Variants in ERCC3 observed in about 807,000 individuals in gnomAD.
ERCC3 encodes the protein general transcription and DNA repair factor IIH helicase/translocase subunit XPB.
ERCC3 carries 66 observed loss-of-function variants against 94.2 expected under a neutral mutation model. The observed-to-expected ratio is 0.70, with a 90% CI of 0.57 to 0.86. The LOEUF is 0.86. ERCC3 is among the 40% of genes least tolerant of loss of function. The pLI is 0.00. For synonymous variants in ERCC3, 349 were observed against 369.1 expected, an observed-to-expected ratio of 0.95 and a Z score of 0.63; for missense variants, 829 against 987.1, an observed-to-expected ratio of 0.84 and a Z score of 2.15.
rs72845952 is a variant in ERCC3 at position 127,288,913 on chromosome 2, A to G, written c.823-49T>C. ...TTTTAAAATCTTGTTACTGTGCTCA[A>G]AAACATTACATCTTCTAAGAGGTCC... On this transcript the variant is annotated intron_variant, in intron 6 of 14. Coordinates refer to ENST00000285398, the MANE Select transcript of ERCC3 (RefSeq NM_000122.2). 12,028 of 1,387,714 alleles carry G rather than the reference A, an allele frequency of 8.7e-3. 85 individuals are homozygous for G. The highest frequency in any genetic ancestry group is 0.011 in the Non-Finnish European group (10,713 of 975,082). The allele number at this position is 1,387,714 out of a possible 1,614,324, so 86.0% of individuals were successfully genotyped here.
chr2:127,275,335 GATC>G (rs1269636454), intron 10 of ERCC3, among the ~76,000 whole-genome samples: 9 of 152,062 alleles, frequency 5.9e-5, no homozygotes, highest in African/African-American at 1.4e-4. Flanking sequence ...TGGCCCGCAG[GATC>G]ATTTTAGAAG....
rs1684665800 is a variant in ERCC3, at chr2:127,274,333, AAAAG to A, written c.1731-1376_1731-1373del. 1.3e-5 allele frequency among the ~76,000 whole-genome samples: 2 copies of A among 152,122 alleles called. No individual in the cohort carries two copies. The highest frequency in any genetic ancestry group is 2.4e-5 in the African/African-American group (1 of 41,528). ...CCGTCTCAGAAAAAAAAAAAAAAGAAAAAGAAAAGAAAAAAATCCAGCCAGCCCT... is the reference window on the plus strand; with the variant it reads ...CCGTCTCAGAAAAAAAAAAAAAAGAAAAAAGAAAAAAATCCAGCCAGCCCT... On this transcript the variant is annotated intron_variant, in intron 10 of 14. Coordinates refer to ENST00000285398, the MANE Select transcript of ERCC3 (RefSeq NM_000122.2). The surrounding 1 kb of genome is among the most constrained non-coding windows in gnomAD (Gnocchi z 4.0).
In ERCC3 at chr2:127,279,140, G is replaced by C. The variant is rs2104759571; in HGVS notation, c.1730+33C>G. On this transcript the variant is annotated intron_variant, in intron 10 of 14. Coordinates refer to ENST00000285398, the MANE Select transcript of ERCC3 (RefSeq NM_000122.2). The surrounding 1 kb of genome is among the most constrained non-coding windows in gnomAD (Gnocchi z 4.7). ...CACTCTCAATGGGGAAGAGAAACTG[G>C]CCTGGAGGAAGCTCCAAGTTTTCAA... The C allele has an allele frequency of 6.9e-7, 1 of 1,459,576 alleles. No homozygotes were observed. The highest frequency in any genetic ancestry group is 1.1e-5 in the South Asian group (1 of 87,766). 90.4% of individuals were successfully genotyped at this position (1,459,576 alleles called of 1,614,324 possible). A position where few individuals can be genotyped will look rare whatever the true frequency, so the allele number is the denominator to read the frequency against.
intron 7 of ERCC3, among the ~76,000 whole-genome samples, chr2:127,287,550 C>G (rs1371591496): frequency 6.6e-6 from 1 of 152,150 alleles, no homozygotes; most frequent in Non-Finnish European, 1.5e-5. Context: ...AGGAGAATAT[C>G]TTGAACCCAG....
rs576022042 is a variant in ERCC3 at position 127,284,845 on chromosome 2, G to T, written c.1342+1858C>A. Among the ~76,000 whole-genome samples the T allele has an allele frequency of 6.6e-6, 1 of 151,894 alleles. No homozygotes were observed. The highest frequency in any genetic ancestry group is 1.5e-5 in the Non-Finnish European group (1 of 67,976). ...ACCACAGGTGCACACCACCACACTT[G>T]GCTAATTAAAAAAATTTTTTTTTGT... On this transcript the variant is annotated intron_variant, in intron 8 of 14. Coordinates refer to ENST00000285398, the MANE Select transcript of ERCC3 (RefSeq NM_000122.2). The surrounding 1 kb of genome is among the most constrained non-coding windows in gnomAD (Gnocchi z 4.1).
chr2:127,281,097 T>C (rs1684894618), intron 8 of ERCC3: 1 of 409,176 alleles, frequency 2.4e-6, no homozygotes, highest in South Asian at 1.1e-4. Flanking sequence ...CAATTTGAAA[T>C]ACAACCTGCA....
chr2:127,286,501 G>A (rs757203333), intron 8 of ERCC3, among the ~76,000 whole-genome samples: 1 of 151,700 alleles, frequency 6.6e-6, no homozygotes, highest in Non-Finnish European at 1.5e-5. Context: ...AGCTGAGATC[G>A]TGCCACTGCA....
chr2:127,289,659 C>T (rs370456132), intron 5 of ERCC3, 30 bp downstream of exon 5: 111 of 1,613,774 alleles, frequency 6.9e-5, no homozygotes, highest in Non-Finnish European at 9.1e-5. Flanking sequence ...TGCCTGCCCC[C>T]ACCCAAGGGT....
At chr2:127,261,785 C>T (rs562120549) in intron 12 of ERCC3, 4 of 219,846 alleles carry the variant, frequency 1.8e-5, no homozygotes, top group East Asian at 2.4e-4. Context: ...TATCACCTCA[C>T]GCCCCTCTCC....
chr2:127,272,107 C>T (rs367595896), intron 11 of ERCC3, among the ~76,000 whole-genome samples: 27 of 150,222 alleles, frequency 1.8e-4, no homozygotes, highest in African/African-American at 4.9e-4. Context: ...GCAACCTCCA[C>T]CTCCCGGGTT....
rs1454493454 is a variant in ERCC3 at position 127,272,812 on chromosome 2, C to G, written c.1827+53G>C. ...CTGTCCAGGAATCATAGTGTACCCC[C>G]CAGGTCCCCAGAGTGCTAGGGGCCT... On this transcript the variant is annotated intron_variant, in intron 11 of 14. Transcript: ENST00000285398. The G allele has an allele frequency of 2.8e-6, 3 of 1,076,910 alleles. No homozygotes were observed. The Admixed American group carries it at 5.1e-5, about 18-fold the overall frequency. The allele number at this position is 1,076,910 out of a possible 1,614,324, so 66.7% of individuals were successfully genotyped here.
intron 7 of ERCC3, among the ~76,000 whole-genome samples, chr2:127,287,329 G>T (rs1685108382): frequency 6.6e-6 from 1 of 152,070 alleles, no homozygotes; most frequent in African/African-American, 2.4e-5. Flanking sequence ...TTATTTTAAA[G>T]ATAGAAAAAC....
At chr2:127,293,364 G>T in intron 2 of ERCC3, 149 bp downstream of exon 2, 2 of 749,356 alleles carry the variant, frequency 2.7e-6, no homozygotes, top group Non-Finnish European at 4.4e-6. Flanking sequence ...CTGTTGCCTT[G>T]GGCTGTTCCA....
intron 13 of ERCC3, 190 bp downstream of exon 13, chr2:127,261,038 C>T: frequency 1.6e-6 from 1 of 627,402 alleles, no homozygotes; most frequent in East Asian, 2.9e-5. Flanking sequence ...TCAGTCCTGC[C>T]AGGACGGCAC....
Position 127,259,237 on chromosome 2 carries a change from C to T in ERCC3, c.2217+59G>A, listed in dbSNP as rs1404240987. The T allele has an allele frequency of 6.2e-7, 1 of 1,600,336 alleles. No individual in the cohort carries two copies. Among genetic ancestry groups the T allele is most frequent in the Non-Finnish European group, 8.6e-7 (1 of 1,168,230 alleles). ...CAGGACTACATGTCTGTGTCTGTGT[C>T]TACAAACGCTGCCCTGTGAGAGCAC... On this transcript the variant is annotated intron_variant, in intron 14 of 14. Transcript: ENST00000285398. This position sits in a 1 kb window ranked among gnomAD's most constrained non-coding sequence, Gnocchi z 4.9.
At chr2:127,267,426 ACT>A (rs1410466225) in intron 12 of ERCC3, among the ~76,000 whole-genome samples, 1 of 141,292 alleles carries the variant, frequency 7.1e-6, no homozygotes, top group East Asian at 2.1e-4. Flanking sequence ...CCCCTGCCCC[ACT>A]CTTTTTTTTT....
In ERCC3 at chr2:127,293,522, G is replaced by A. The variant is rs1331968980; in HGVS notation, c.225C>T (p.Pro75=). ...MPLKDDHTSR[P]LWVAPDGHIF... Reference sequence around the variant, plus strand: ...CTAAGGGCATGCTTACCACCCAGAGGGGCCTGGAGGTGTGGTCGTCCTTCA... The same window carrying A: ...CTAAGGGCATGCTTACCACCCAGAGAGGCCTGGAGGTGTGGTCGTCCTTCA... The change falls in exon 2 of 15, where the codon CCC becomes CCT. Residue 75 remains proline, a synonymous_variant. Transcript: ENST00000285398. 32 of 1,613,962 alleles carry A rather than the reference G, an allele frequency of 2.0e-5. No homozygotes were observed. Among genetic ancestry groups the A allele is most frequent in the Non-Finnish European group, 2.6e-5 (31 of 1,179,994 alleles).
rs116713511 is a variant in ERCC3, at chr2:127,292,767, T to C, written c.314A>G (p.Glu105Gly). The stretch of plus-strand genomic sequence containing the variant: ...CACATGGGTTGGTCGGCACACTGGC[T>C]CTGCAATAGCCACCAAGAAGTCTTG... ...YAQDFLVAIA[E>G]PVCRPTHVHE... is the part of the protein sequence containing the mutation. The change falls in exon 3 of 15, where the codon GAG (glutamate) becomes GGG (glycine). Residue 105 changes from glutamate to glycine, a missense_variant. By Grantham distance (98) the Glu-to-Gly change is moderately conservative. Coordinates refer to ENST00000285398, the MANE Select transcript of ERCC3 (RefSeq NM_000122.2). 603 of 1,613,892 alleles carry C rather than the reference T, an allele frequency of 3.7e-4. 2 individuals are homozygous for C. Among genetic ancestry groups the C allele is most frequent in the South Asian group, 6.0e-4 (55 of 91,076 alleles).
At position 127,292,119 on chromosome 2, in the gene ERCC3, G is replaced by A. The variant is rs182565366; in HGVS notation, c.471+491C>T. On this transcript the variant is annotated intron_variant, in intron 3 of 14. Coordinates refer to ENST00000285398, the MANE Select transcript of ERCC3 (RefSeq NM_000122.2). ...GGGCAGGTGAGAGAAAGCATGCTCC[G>A]GTGTCTCTTCTTAGGAGGACACTAA... 259 of 221,966 alleles carry A rather than the reference G, an allele frequency of 1.2e-3. 4 individuals carry two copies. Among genetic ancestry groups the A allele is most frequent in the Non-Finnish European group, 2.4e-4 (26 of 108,952 alleles). The allele number at this position is 221,966 out of a possible 1,614,324, so 13.7% of individuals were successfully genotyped here. A position where few individuals can be genotyped will look rare whatever the true frequency, so the allele number is the denominator to read the frequency against.
Sources: allele counts gnomAD v4.1 joint callset (sites outside exome capture counted in the v4.1 genomes callset), GRCh38; gene constraint gnomAD v4.1.1; non-coding constraint Gnocchi (gnomAD v3.1); transcripts MANE v1.5; gene names NCBI Gene and HGNC (gene_info 2026-07-23, HGNC 2026-07-21).